Variants in IGF1R observed in about 807,000 individuals in gnomAD.
IGF1R encodes insulin-like growth factor 1 receptor.
In IGF1R, 44 loss-of-function variants were observed where a neutral mutation model predicts 144.6. That is an observed-to-expected ratio of 0.30 (90% CI 0.24 to 0.39). The LOEUF is 0.39. Ranked by LOEUF, IGF1R falls within the 10% of genes least tolerant of loss-of-function variation. The probability of loss-of-function intolerance (pLI) is 1.00; values close to 1 mark genes in which losing one functional copy is unlikely to be tolerated. For synonymous variants in IGF1R, 795 were observed against 722.8 expected (o/e 1.10, Z -1.60); for missense variants, 1,355 against 1,833.7 (o/e 0.74, Z 4.77).
At chr15:98,667,979 G>A (rs1331714161) in intron 1 of IGF1R, among the ~76,000 whole-genome samples, 2 of 152,094 alleles carry the variant, frequency 1.3e-5, no homozygotes, top group Non-Finnish European at 2.9e-5. Flanking sequence ...TCAGACTGCT[G>A]TGACAGGTTA....
chr15:98,784,415 G>C (rs184369512), intron 2 of IGF1R: 234 of 154,098 alleles, frequency 1.5e-3, no homozygotes, highest in Non-Finnish European at 2.9e-3. Flanking sequence ...ATTTCTGCTA[G>C]TAGAATTTTT....
intron 2 of IGF1R, among the ~76,000 whole-genome samples, chr15:98,868,211 G>A (rs66531325): frequency 0.12 from 18,416 of 150,228 alleles, 1,452 homozygotes; most frequent in East Asian, 0.38. Flanking sequence ...TCAGAGCGTG[G>A]TGGTGCACAC....
At chr15:98,822,600 C>T (rs548296844) in intron 2 of IGF1R, among the ~76,000 whole-genome samples, 4 of 152,310 alleles carry the variant, frequency 2.6e-5, no homozygotes, top group South Asian at 2.1e-4. Flanking sequence ...CTTATTCATT[C>T]GCTCATCCAT....
At chr15:98,729,116 A>AAT (rs2054435780) in intron 2 of IGF1R, among the ~76,000 whole-genome samples, 1 of 152,272 alleles carries the variant, frequency 6.6e-6, no homozygotes, top group South Asian at 2.1e-4. Context: ...TGACACAAAA[A>AAT]ATACTGCATT....
chr15:98,957,521 A>C lies in IGF1R; in HGVS notation c.*79A>C. On this transcript the variant is annotated 3_prime_UTR_variant, in exon 21 of 21. Transcript: ENST00000650285. ...TGGGGGGGGAGAGAGAGTTTTAACA[A>C]TCCATTCACAAGCCTCCTGTACCTC... 1.9e-6 allele frequency: 3 copies of C among 1,573,884 alleles called. No individual in the cohort carries two copies. The highest frequency in any genetic ancestry group is 2.6e-6 in the Non-Finnish European group (3 of 1,149,344).
intron 2 of IGF1R, among the ~76,000 whole-genome samples, chr15:98,852,705 A>ATCCC (rs1438381820): frequency 1.3e-5 from 2 of 152,066 alleles, no homozygotes; most frequent in Non-Finnish European, 2.9e-5. Context: ...GAGTCGGGGA[A>ATCCC]TCCCTCCCTC....
intron 2 of IGF1R, among the ~76,000 whole-genome samples, chr15:98,831,788 A>G (rs2057005918): frequency 1.3e-5 from 2 of 152,186 alleles, no homozygotes; most frequent in South Asian, 4.1e-4. Flanking sequence ...GCTCTTTAGA[A>G]TTTGAACACG....
intron 18 of IGF1R, 107 bp from the exon 19 acceptor site, chr15:98,942,816 G>C: frequency 1.4e-6 from 2 of 1,446,198 alleles, no homozygotes; most frequent in Non-Finnish European, 1.9e-6. Context: ...GGACGTGTCT[G>C]TGTCTTGCCT....
chr15:98,669,581 C>T (rs2052834769), intron 1 of IGF1R, among the ~76,000 whole-genome samples: 1 of 152,096 alleles, frequency 6.6e-6, no homozygotes, highest in Admixed American at 6.6e-5. Flanking sequence ...CATGACAGGG[C>T]GGGTCATCGA....
chr15:98,679,397 A>T (rs894229798), intron 1 of IGF1R, among the ~76,000 whole-genome samples: 3 of 152,156 alleles, frequency 2.0e-5, no homozygotes, highest in African/African-American at 7.2e-5. Flanking sequence ...TTGTGTCCCC[A>T]TCCAAATCCA....
chr15:98,714,720 GAA>G (rs2054074815), intron 2 of IGF1R, among the ~76,000 whole-genome samples: 1 of 152,040 alleles, frequency 6.6e-6, no homozygotes, highest in South Asian at 2.1e-4. Flanking sequence ...AATAAAAAAA[GAA>G]TGTGTAAATC....
intron 5 of IGF1R, among the ~76,000 whole-genome samples, chr15:98,908,142 C>T (rs2014821445): frequency 1.3e-5 from 2 of 152,328 alleles, no homozygotes; most frequent in Non-Finnish European, 2.9e-5. Flanking sequence ...TGGGGCTGCT[C>T]AGAATGAAAG....
At chr15:98,793,288 T>TA (rs1295930389) in intron 2 of IGF1R, among the ~76,000 whole-genome samples, 2 of 152,098 alleles carry the variant, frequency 1.3e-5, no homozygotes, top group Admixed American at 6.6e-5. Flanking sequence ...AACAAGTACT[T>TA]AAAAAAAATC....
At chr15:98,831,327 C>T (rs1664041375) in intron 2 of IGF1R, among the ~76,000 whole-genome samples, 1 of 152,248 alleles carries the variant, frequency 6.6e-6, no homozygotes, top group Non-Finnish European at 1.5e-5. Context: ...ATCCATCTCA[C>T]CACCCACCTG....
At chr15:98,947,328 TCATA>T (rs2016591024) in intron 19 of IGF1R, among the ~76,000 whole-genome samples, 2 of 152,222 alleles carry the variant, frequency 1.3e-5, no homozygotes, top group African/African-American at 4.8e-5. Context: ...TAAAACGTTC[TCATA>T]CAGTCAGGAG....
intron 19 of IGF1R, among the ~76,000 whole-genome samples, chr15:98,947,838 C>T (rs1206826044): frequency 6.6e-6 from 1 of 152,226 alleles, no homozygotes; most frequent in East Asian, 1.9e-4. Flanking sequence ...CACAGAGGCC[C>T]TGCAGGCCAG....
chr15:98,731,738 T>TAACCAGAAG (rs1468803034), intron 2 of IGF1R, among the ~76,000 whole-genome samples: 1 of 152,208 alleles, frequency 6.6e-6, no homozygotes, highest in African/African-American at 2.4e-5. Flanking sequence ...GTGTTAGCTC[T>TAACCAGAAG]TCTCTGGTTA....
At chr15:98,689,955 G>C (rs928056011) in intron 1 of IGF1R, among the ~76,000 whole-genome samples, 1 of 152,128 alleles carries the variant, frequency 6.6e-6, no homozygotes, top group Non-Finnish European at 1.5e-5. Flanking sequence ...CAAAATGTGG[G>C]CTCCTTTGGG....
chr15:98,769,909 G>GA (rs1271510452), intron 2 of IGF1R, among the ~76,000 whole-genome samples: 1 of 152,022 alleles, frequency 6.6e-6, no homozygotes, highest in Non-Finnish European at 1.5e-5. Flanking sequence ...CAGGATTTGA[G>GA]ATTTTCTATC....
Sources: allele counts gnomAD v4.1 joint callset (sites outside exome capture counted in the v4.1 genomes callset), GRCh38; gene constraint gnomAD v4.1.1; transcripts MANE v1.5; gene names NCBI Gene and HGNC (gene_info 2026-07-23, HGNC 2026-07-21).